OSBPL6: variants seen among roughly 807,000 people sequenced by gnomAD.
The protein encoded by OSBPL6 is oxysterol-binding protein-related protein 6.
OSBPL6 carries 49 observed loss-of-function variants against 125.8 expected under a neutral mutation model. That is an observed-to-expected ratio of 0.39 (90% CI 0.31 to 0.49). OSBPL6 has a LOEUF of 0.49. Among genes scored for constraint, OSBPL6 ranks in the 20% least tolerant of loss-of-function variants. OSBPL6 has a pLI of 0.88. For synonymous variants in OSBPL6, 394 were observed against 391.8 expected (o/e 1.01, Z -0.07); for missense variants, 986 against 1,135.4 (o/e 0.87, Z 1.89).
At chr2:178,235,617 AGGATGGACTCAATCT>A (rs1553526890) in intron 1 of OSBPL6, among the ~76,000 whole-genome samples, 1 of 152,054 alleles carries the variant, frequency 6.6e-6, no homozygotes, top group Non-Finnish European at 1.5e-5. Flanking sequence ...CATGTTAGCC[AGGATGGACTCAATCT>A]TCTGACCTCG....
chr2:178,216,666 A>C (rs1172871222), intron 1 of OSBPL6, among the ~76,000 whole-genome samples: 1 of 152,228 alleles, frequency 6.6e-6, no homozygotes, highest in African/African-American at 2.4e-5. Context: ...TGGAGGCTTG[A>C]GGAACAGGAT....
chr2:178,284,829 T>C (rs151082084), intron 1 of OSBPL6, 98 bp from the exon 2 acceptor site: 346 of 387,136 alleles, frequency 8.9e-4, no homozygotes, highest in African/African-American at 6.7e-3. Flanking sequence ...AAAAGATAAA[T>C]TGGGAGGAAT....
intron 13 of OSBPL6, among the ~76,000 whole-genome samples, chr2:178,371,070 G>A (rs896509268): frequency 3.9e-5 from 6 of 152,150 alleles, no homozygotes; most frequent in Admixed American, 6.5e-5. Context: ...TGAATGAAGC[G>A]GAATGCCCAT....
intron 1 of OSBPL6, among the ~76,000 whole-genome samples, chr2:178,272,624 A>C (rs1479108378): frequency 1.3e-5 from 2 of 152,162 alleles, no homozygotes; most frequent in African/African-American, 4.8e-5. Context: ...GAGTAGCATT[A>C]CAATTCTCCT....
In OSBPL6 at chr2:178,328,475, G is replaced by T; in HGVS notation, c.318+97G>T. ...TGGGAAACTAAGAATATGGCAGTAT[G>T]TGTAAAACTAGCTTTTTAAAACTTT... On this transcript the variant is annotated intron_variant, in intron 5 of 24. Transcript: ENST00000190611. 4 of 1,470,702 alleles carry T rather than the reference G, an allele frequency of 2.7e-6. No homozygotes were observed. In the South Asian group the frequency reaches 3.9e-5, roughly 14 times the overall value. The allele number at this position is 1,470,702 out of a possible 1,614,324, so 91.1% of individuals were successfully genotyped here.
At chr2:178,202,482 C>T (rs1224433677) in intron 1 of OSBPL6, among the ~76,000 whole-genome samples, 1 of 152,142 alleles carries the variant, frequency 6.6e-6, no homozygotes. Flanking sequence ...AATCTATTAT[C>T]CTTATCTTTG....
At chr2:178,387,195 G>C in intron 20 of OSBPL6, 56 bp downstream of exon 20, 2 of 1,360,948 alleles carry the variant, frequency 1.5e-6, no homozygotes, top group Non-Finnish European at 2.1e-6. Context: ...AATCATAAAT[G>C]GGTATTTTAA....
intron 1 of OSBPL6, among the ~76,000 whole-genome samples, chr2:178,226,046 A>G (rs1447705630): frequency 6.6e-6 from 1 of 152,214 alleles, no homozygotes; most frequent in Non-Finnish European, 1.5e-5. Context: ...TAGTAACAGA[A>G]GGAACCAATA....
intron 15 of OSBPL6, among the ~76,000 whole-genome samples, chr2:178,376,886 C>T (rs961285685): frequency 2.0e-5 from 3 of 152,160 alleles, no homozygotes; most frequent in African/African-American, 7.2e-5. Context: ...CCATACCTCA[C>T]AGGTTTTCAT....
At chr2:178,318,262 A>G (rs1325142334) in intron 3 of OSBPL6, among the ~76,000 whole-genome samples, 1 of 152,194 alleles carries the variant, frequency 6.6e-6, no homozygotes, top group African/African-American at 2.4e-5. Context: ...TGGTGAGGCT[A>G]TAGTGGTTGA....
chr2:178,379,357 G>T (rs1694238084), intron 15 of OSBPL6, among the ~76,000 whole-genome samples: 1 of 128,072 alleles, frequency 7.8e-6, no homozygotes, highest in Admixed American at 8.1e-5. Flanking sequence ...GGAGGGAGGG[G>T]AAGGAAGGAA....
intron 11 of OSBPL6, among the ~76,000 whole-genome samples, chr2:178,348,038 T>G (rs575492910): frequency 6.6e-6 from 1 of 152,210 alleles, no homozygotes; most frequent in South Asian, 2.1e-4. Flanking sequence ...AGGCCAGATA[T>G]TTTGATTCTT....
intron 3 of OSBPL6, among the ~76,000 whole-genome samples, chr2:178,322,087 A>C (rs1389903421): frequency 4.6e-5 from 7 of 152,308 alleles, no homozygotes; most frequent in Admixed American, 1.3e-4. Flanking sequence ...TTTCCATCAC[A>C]CTTCAAATAT....
intron 1 of OSBPL6, among the ~76,000 whole-genome samples, chr2:178,225,025 C>CTT (rs1407434877): frequency 6.2e-5 from 9 of 145,712 alleles, no homozygotes; most frequent in Admixed American, 5.4e-4. Context: ...CTCTCTCTCT[C>CTT]TGAGTGTGTG....
At chr2:178,362,654 A>G (rs1692457536) in intron 13 of OSBPL6, among the ~76,000 whole-genome samples, 1 of 152,168 alleles carries the variant, frequency 6.6e-6, no homozygotes, top group South Asian at 2.1e-4. Flanking sequence ...CGTGGAGCAG[A>G]TCCTGCTTGA....
intron 1 of OSBPL6, among the ~76,000 whole-genome samples, chr2:178,264,249 G>A (rs887310342): frequency 7.2e-5 from 11 of 152,104 alleles, no homozygotes; most frequent in African/African-American, 2.7e-4. Flanking sequence ...TCATATAAAT[G>A]TCCAAACTGA....
intron 15 of OSBPL6, among the ~76,000 whole-genome samples, chr2:178,376,686 T>A (rs544476614): frequency 6.6e-6 from 1 of 152,220 alleles, no homozygotes; most frequent in African/African-American, 2.4e-5. Flanking sequence ...AAGACCGTTA[T>A]AATCTGATGC....
chr2:178,315,069 A>G (rs796714123), intron 3 of OSBPL6, among the ~76,000 whole-genome samples: 5 of 152,348 alleles, frequency 3.3e-5, no homozygotes, highest in African/African-American at 1.2e-4. Flanking sequence ...GTTAATAGTT[A>G]TTATGAACTG....
At chr2:178,215,884 G>C (rs1002389278) in intron 1 of OSBPL6, among the ~76,000 whole-genome samples, 6 of 151,924 alleles carry the variant, frequency 3.9e-5, no homozygotes, top group African/African-American at 1.5e-4. Flanking sequence ...GATAAGAGTT[G>C]CTATGTATTG....
Sources: allele counts gnomAD v4.1 joint callset (sites outside exome capture counted in the v4.1 genomes callset), GRCh38; gene constraint gnomAD v4.1.1; transcripts MANE v1.5; gene names NCBI Gene and HGNC (gene_info 2026-07-23, HGNC 2026-07-21).